The following DACH2 variants were observed in gnomAD, a reference collection of about 807,000 sequenced individuals.
DACH2 encodes dachshund homolog 2.
Under a neutral mutation model 35.8 loss-of-function variants are expected in DACH2, and 17 were observed. The observed-to-expected ratio is 0.48, with a 90% confidence interval of 0.33 to 0.71. The LOEUF (loss-of-function observed/expected upper bound fraction) is 0.71. Ranked by LOEUF, DACH2 falls within the 30% of genes least tolerant of loss-of-function variation. The pLI, the probability that DACH2 is intolerant of heterozygous loss-of-function variation, is 0.02. For synonymous variants in DACH2, 195 were observed against 177.3 expected (o/e 1.10, Z -0.79); for missense variants, 469 against 472.7 (o/e 0.99, Z 0.07).
intron 2 of DACH2, among the ~76,000 whole-genome samples, chrX:86,403,733 A>C (rs771579792): frequency 8.9e-6 from 1 of 112,112 alleles, no homozygotes; most frequent in East Asian, 2.8e-4. Context: ...AGAAAGACAC[A>C]TGCACACACT....
chrX:86,569,932 A>G (rs2039343526), intron 3 of DACH2, among the ~76,000 whole-genome samples: 1 of 112,006 alleles, frequency 8.9e-6, no homozygotes, highest in African/African-American at 3.2e-5. Context: ...GGCAAAGGAA[A>G]TGTACAGACA....
chrX:86,605,100 G>A (rs1334000880), intron 3 of DACH2, among the ~76,000 whole-genome samples: 1 of 111,905 alleles, frequency 8.9e-6, no homozygotes, highest in Non-Finnish European at 1.9e-5. Flanking sequence ...TAGACTGCTG[G>A]CCTACAGAAA....
intron 1 of DACH2, among the ~76,000 whole-genome samples, chrX:86,277,505 GT>G (rs1183987704): frequency 1.8e-5 from 2 of 111,914 alleles, no homozygotes; most frequent in Non-Finnish European, 3.8e-5. Context: ...TTTATTTTAA[GT>G]TTATTTTAGA....
At chrX:86,740,015 C>A in intron 7 of DACH2, 133 bp downstream of exon 7, 1 of 580,035 alleles carries the variant, frequency 1.7e-6, no homozygotes, top group South Asian at 3.7e-5. Flanking sequence ...GAAATTTGGT[C>A]TTTTGTAATT....
chrX:86,745,674 C>G (rs191483523), intron 7 of DACH2, among the ~76,000 whole-genome samples: 9 of 111,170 alleles, frequency 8.1e-5, no homozygotes, highest in African/African-American at 2.6e-4. Flanking sequence ...TTTAACGTCT[C>G]TGCTCTTGTG....
intron 2 of DACH2, among the ~76,000 whole-genome samples, chrX:86,403,851 T>A (rs1160262211): frequency 9.0e-6 from 1 of 111,307 alleles, no homozygotes; most frequent in African/African-American, 3.3e-5. Flanking sequence ...GGAAAGATGT[T>A]TAATTGACTC....
chrX:86,642,924 A>C (rs781455378), intron 3 of DACH2, among the ~76,000 whole-genome samples: 18 of 111,893 alleles, frequency 1.6e-4, no homozygotes, highest in African/African-American at 5.8e-4. Flanking sequence ...CAAAGATGCA[A>C]CATACCAGAA....
chrX:86,764,713 TAGAA>T (rs1335184510), intron 7 of DACH2, among the ~76,000 whole-genome samples: 3 of 111,441 alleles, frequency 2.7e-5, no homozygotes, highest in Non-Finnish European at 3.8e-5. Context: ...GCCTTTTTGA[TAGAA>T]AGAGTTATTT....
intron 2 of DACH2, among the ~76,000 whole-genome samples, chrX:86,498,667 G>C (rs953583938): frequency 8.9e-6 from 1 of 112,158 alleles, no homozygotes; most frequent in African/African-American, 3.2e-5. Flanking sequence ...TTAAATTTAA[G>C]TAAATCTTTC....
In DACH2 at chrX:86,701,628, A is replaced by T. The variant is rs776960844; in HGVS notation, c.931+6449A>T. ...ATGAAATTAACCCAAATGCCCGTCA[A>T]CAGTAGACTAGATAAAGGAAGTGTT... On this transcript the variant is annotated intron_variant, in intron 5 of 11. Coordinates refer to ENST00000373125, the MANE Select transcript of DACH2 (RefSeq NM_053281.3). Among the ~76,000 whole-genome samples the T allele has an allele frequency of 5.4e-5, 6 of 112,015 alleles. No individual in the cohort carries two copies. In the East Asian group the frequency reaches 1.1e-3, roughly 21 times the overall value.
intron 3 of DACH2, among the ~76,000 whole-genome samples, chrX:86,569,561 C>T (rs924119312): frequency 4.5e-5 from 5 of 111,277 alleles, no homozygotes; most frequent in Non-Finnish European, 9.4e-5. Context: ...CAAAATGCGA[C>T]TTAAACTCGG....
rs1003537074 is a variant in DACH2, at chrX:86,184,217, T to TG, written c.488+35109_488+35110insG. 3.1e-5 allele frequency: 6 copies of TG among 191,683 alleles called. No individual in the cohort carries two copies. In the Admixed American group the frequency reaches 4.3e-4, roughly 14 times the overall value. The allele number at this position is 191,683 out of a possible 1,213,427, so 15.8% of individuals were successfully genotyped here. A position where few individuals can be genotyped will look rare whatever the true frequency, so the allele number is the denominator to read the frequency against. On this transcript the variant is annotated intron_variant, in intron 1 of 11. Transcript: ENST00000373125. Reference sequence around the variant, plus strand: ...TTGTTATTTCTAGTCTTCTGATTTTTTTTTTTTTTTGATAGAGTTTCGCTC... The same window carrying TG: ...TTGTTATTTCTAGTCTTCTGATTTTTGTTTTTTTTTTGATAGAGTTTCGCTC...
intron 7 of DACH2, among the ~76,000 whole-genome samples, chrX:86,771,912 C>A (rs922662623): frequency 2.7e-5 from 3 of 111,539 alleles, no homozygotes; most frequent in African/African-American, 9.8e-5. Context: ...AGTGTCTGTT[C>A]TTTTTCAGAA....
intron 2 of DACH2, among the ~76,000 whole-genome samples, chrX:86,385,754 T>G (rs919615483): frequency 9.0e-6 from 1 of 111,588 alleles, no homozygotes; most frequent in African/African-American, 3.2e-5. Flanking sequence ...GCTCTCTGTC[T>G]TCAAAAATCA....
intron 2 of DACH2, among the ~76,000 whole-genome samples, chrX:86,465,893 C>T (rs923180883): frequency 5.4e-5 from 6 of 111,637 alleles, no homozygotes; most frequent in Non-Finnish European, 1.1e-4. Context: ...TGCAGGTGTT[C>T]AAGACTATGC....
Position 86,600,203 on chromosome X carries a change from AT to A in DACH2, c.641-50827del, listed in dbSNP as rs757722173. On this transcript the variant is annotated intron_variant, in intron 3 of 11. Transcript: ENST00000373125. ...CTATTCTCATCGAGATTTAGCAGAT[AT>A]TTTTTAATAAATATTTTTTCTTTTG... 6.1e-3 allele frequency among the ~76,000 whole-genome samples: 686 copies of A among 111,705 alleles called. 7 individuals are homozygous for A. The highest frequency in any genetic ancestry group is 0.021 in the African/African-American group (653 of 30,739).
intron 4 of DACH2, among the ~76,000 whole-genome samples, chrX:86,684,853 A>G (rs984717830): frequency 5.4e-5 from 6 of 111,645 alleles, no homozygotes; most frequent in Non-Finnish European, 9.4e-5. Flanking sequence ...CTCTTTTAGT[A>G]TACATAAAGT....
rs777928592 is a variant in DACH2, at chrX:86,355,116, C to G, written c.489-21708C>G. Among the ~76,000 whole-genome samples the G allele has an allele frequency of 1.5e-4, 17 of 111,618 alleles. No homozygotes were observed. In the South Asian group the frequency reaches 6.5e-3, roughly 43 times the overall value. ...GTTCCCTTTTTTCTGTCCATGTGTA[C>G]ACAATGTTTAGCTCCCACTTATACG... On this transcript the variant is annotated intron_variant, in intron 1 of 11. Transcript: ENST00000373125.
chrX:86,454,884 G>A (rs1257578186), intron 2 of DACH2, among the ~76,000 whole-genome samples: 1 of 111,895 alleles, frequency 8.9e-6, no homozygotes, highest in African/African-American at 3.2e-5. Context: ...GCATTTTTGT[G>A]TTGATCATTT....
Sources: allele counts gnomAD v4.1 joint callset (sites outside exome capture counted in the v4.1 genomes callset), GRCh38; gene constraint gnomAD v4.1.1; transcripts MANE v1.5; gene names NCBI Gene and HGNC (gene_info 2026-07-23, HGNC 2026-07-21).